The following KCNMB4 variants were observed in gnomAD, a reference collection of about 807,000 sequenced individuals.
KCNMB4 encodes the protein calcium-activated potassium channel subunit beta-4.
In KCNMB4, 3 loss-of-function variants were observed where a neutral mutation model predicts 20.7. The observed-to-expected ratio is 0.14, with a 90% confidence interval of 0.07 to 0.37. The LOEUF (loss-of-function observed/expected upper bound fraction) is 0.37. KCNMB4 is among the 10% of genes least tolerant of loss of function. KCNMB4 has a pLI of 1.00. For missense variants in KCNMB4, 168 were observed against 265.9 expected (o/e 0.63, Z 2.56); for synonymous variants, 110 against 113.4 (o/e 0.97, Z 0.19).
At chr12:70,422,000 C>T (rs1869078901) in intron 2 of KCNMB4, among the ~76,000 whole-genome samples, 1 of 151,720 alleles carries the variant, frequency 6.6e-6, no homozygotes, top group African/African-American at 2.4e-5. Context: ...AAATGAGGAG[C>T]CGCTGTTTTT....
intron 1 of KCNMB4, among the ~76,000 whole-genome samples, chr12:70,390,482 A>G (rs1421057178): frequency 6.6e-6 from 1 of 152,228 alleles, no homozygotes; most frequent in Admixed American, 6.5e-5. Flanking sequence ...TCACTTGCCA[A>G]AGAAAGCATG....
At chr12:70,388,097 C>T (rs1868271750) in intron 1 of KCNMB4, among the ~76,000 whole-genome samples, 1 of 152,134 alleles carries the variant, frequency 6.6e-6, no homozygotes, top group African/African-American at 2.4e-5. Flanking sequence ...CTATGCCTTG[C>T]TTATTTCACT....
At chr12:70,382,432 C>CAAA (rs397796979) in intron 1 of KCNMB4, among the ~76,000 whole-genome samples, 9 of 87,934 alleles carry the variant, frequency 1.0e-4, no homozygotes, top group African/African-American at 1.7e-4. Flanking sequence ...GACTCCGTCT[C>CAAA]AAAAAAAAAA....
At chr12:70,428,387 C>A (rs1044486886) in intron 2 of KCNMB4, among the ~76,000 whole-genome samples, 11 of 152,182 alleles carry the variant, frequency 7.2e-5, no homozygotes, top group African/African-American at 1.9e-4. Flanking sequence ...ATTTAAGACT[C>A]ATTTTTGTAT....
At chr12:70,368,980 C>T (rs1444650802) in intron 1 of KCNMB4, among the ~76,000 whole-genome samples, 1 of 152,112 alleles carries the variant, frequency 6.6e-6, no homozygotes, top group Non-Finnish European at 1.5e-5. Flanking sequence ...TTTTCTTTAT[C>T]TCTCTCTCCC....
At chr12:70,426,459 G>T (rs73328307) in intron 2 of KCNMB4, among the ~76,000 whole-genome samples, 2,391 of 152,204 alleles carry the variant, frequency 0.016, 61 homozygotes, top group African/African-American at 0.054. Context: ...TCATCTCAGA[G>T]CTTCTCCAAA....
intron 2 of KCNMB4, among the ~76,000 whole-genome samples, chr12:70,421,009 G>C (rs1240716540): frequency 6.7e-6 from 1 of 148,530 alleles, no homozygotes; most frequent in Non-Finnish European, 1.5e-5. Flanking sequence ...CTGAGATAGC[G>C]CCACTGCACT....
intron 2 of KCNMB4, among the ~76,000 whole-genome samples, chr12:70,425,732 T>C (rs1869194240): frequency 6.6e-6 from 1 of 152,196 alleles, no homozygotes; most frequent in South Asian, 2.1e-4. Context: ...TCTAACCTGA[T>C]GGGACACCCT....
chr12:70,429,528 G>A (rs988752386), intron 2 of KCNMB4, among the ~76,000 whole-genome samples: 1 of 151,980 alleles, frequency 6.6e-6, no homozygotes, highest in South Asian at 2.1e-4. Flanking sequence ...TTAGCTGGAC[G>A]TGGTGGCGGG....
intron 2 of KCNMB4, chr12:70,422,639 T>G: frequency 8.3e-7 from 1 of 1,207,744 alleles, no homozygotes; most frequent in Non-Finnish European, 1.1e-6. Flanking sequence ...GACTTTAGAA[T>G]AAAATTCATT....
At chr12:70,382,710 G>C (rs956848878) in intron 1 of KCNMB4, among the ~76,000 whole-genome samples, 1 of 152,084 alleles carries the variant, frequency 6.6e-6, no homozygotes, top group Non-Finnish European at 1.5e-5. Context: ...TGATTAAAAA[G>C]TCAACATATG....
intron 1 of KCNMB4, among the ~76,000 whole-genome samples, chr12:70,389,598 G>A (rs1345432163): frequency 6.6e-6 from 1 of 152,166 alleles, no homozygotes; most frequent in Non-Finnish European, 1.5e-5. Flanking sequence ...GGGGGCTAAG[G>A]CAGAAGGATC....
chr12:70,406,910 G>A (rs998895997), intron 2 of KCNMB4, among the ~76,000 whole-genome samples: 3 of 151,976 alleles, frequency 2.0e-5, no homozygotes, highest in Admixed American at 1.3e-4. Flanking sequence ...GTATTTTTTT[G>A]TACTCTCGCA....
chr12:70,404,963 A>T (rs1233913115), intron 2 of KCNMB4, among the ~76,000 whole-genome samples: 1 of 152,206 alleles, frequency 6.6e-6, no homozygotes, highest in African/African-American at 2.4e-5. Context: ...ACAGAATCTT[A>T]GGATCATCTA....
chr12:70,407,575 C>T (rs1868643262), intron 2 of KCNMB4, among the ~76,000 whole-genome samples: 1 of 142,894 alleles, frequency 7.0e-6, no homozygotes, highest in Non-Finnish European at 1.5e-5. Context: ...TCACACCATT[C>T]TCCTGCCTCA....
At chr12:70,398,709 T>G (rs375353239) in intron 1 of KCNMB4, among the ~76,000 whole-genome samples, 96 of 152,342 alleles carry the variant, frequency 6.3e-4, no homozygotes, top group African/African-American at 2.2e-3. Context: ...CATTAACGAA[T>G]TCAACCAACA....
At position 70,433,194 on chromosome 12, in the gene KCNMB4, AC is replaced by A. The variant is rs1869413703; in HGVS notation, c.*2543del. ...AAGGTCATAAAAGGTAAATAAGCTT[AC>A]CTTCTTAATGTTTTCATTCTCTTTT... is the stretch of plus-strand genomic sequence containing the variant. On this transcript the variant is annotated 3_prime_UTR_variant, in exon 3 of 3. Transcript: ENST00000258111. The A allele has an allele frequency of 6.6e-6, 1 of 152,170 alleles. No individual in the cohort carries two copies. Among genetic ancestry groups the A allele is most frequent in the South Asian group, 2.1e-4 (1 of 4,824 alleles). 9.4% of individuals were successfully genotyped at this position (152,170 alleles called of 1,614,324 possible). A position where few individuals can be genotyped will look rare whatever the true frequency, so the allele number is the denominator to read the frequency against.
intron 2 of KCNMB4, among the ~76,000 whole-genome samples, chr12:70,423,972 C>T (rs943132699): frequency 6.6e-6 from 1 of 152,166 alleles, no homozygotes; most frequent in Non-Finnish European, 1.5e-5. Context: ...CACATTTTAT[C>T]AATGTTAACA....
At chr12:70,407,246 G>T (rs1369858614) in intron 2 of KCNMB4, among the ~76,000 whole-genome samples, 2 of 152,062 alleles carry the variant, frequency 1.3e-5, no homozygotes, top group African/African-American at 2.4e-5. Flanking sequence ...ACTGCCAGAT[G>T]GAAGAGATGC....
Sources: gnomAD v4.1 joint callset for allele counts (sites outside exome capture counted in the v4.1 genomes callset) on GRCh38, gnomAD v4.1.1 for gene constraint, MANE v1.5 for transcripts, NCBI Gene and HGNC (gene_info 2026-07-23, HGNC 2026-07-21) for gene names.